NSUN4: variants seen among roughly 807,000 people sequenced by gnomAD.
NSUN4 encodes the protein NOP2/Sun RNA methyltransferase 4, also known as 5-cytosine rRNA methyltransferase NSUN4.
NSUN4 carries 31 observed loss-of-function variants against 43.8 expected under a neutral mutation model. That is an observed-to-expected ratio of 0.71 (90% CI 0.53 to 0.96). The LOEUF is 0.96. Ranked by LOEUF, NSUN4 falls within the 40% of genes least tolerant of loss-of-function variation. NSUN4 has a pLI of 0.00. For missense variants in NSUN4, 439 were observed against 475.6 expected (o/e 0.92, Z 0.72); for synonymous variants, 167 against 184.1 (o/e 0.91, Z 0.75).
intron 1 of NSUN4, chr1:46,341,983 T>G (rs1662144869): frequency 8.1e-7 from 1 of 1,229,606 alleles, no homozygotes; most frequent in African/African-American, 1.6e-5. Context: ...ACGAGCCCAG[T>G]GACCTCCCCT....
the NSUN4 span, among the ~76,000 whole-genome samples, chr1:46,373,195 G>A: frequency 6.6e-6 from 1 of 152,052 alleles, no homozygotes; most frequent in Non-Finnish European, 1.5e-5. Flanking sequence ...TTTGTCTTCT[G>A]ATCCTTCACC....
intron 3 of NSUN4, among the ~76,000 whole-genome samples, chr1:46,349,300 C>T (rs1018523333): frequency 1.3e-5 from 2 of 151,934 alleles, no homozygotes; most frequent in African/African-American, 4.8e-5. Flanking sequence ...CCACCATGCC[C>T]GGCTAATTTT....
chr1:46,341,646 C>T, intron 1 of NSUN4: 1 of 1,217,748 alleles, frequency 8.2e-7, no homozygotes, highest in Non-Finnish European at 1.0e-6. Flanking sequence ...ACCATCTCTT[C>T]CACCCCCACA....
At chr1:46,360,249 A>AAAAAT (rs1553177947) in intron 4 of NSUN4, among the ~76,000 whole-genome samples, 2 of 25,738 alleles carry the variant, frequency 7.8e-5, no homozygotes, top group Admixed American at 5.9e-4. Flanking sequence ...AAAAAAAAAA[A>AAAAAT]ATATATATAT....
the NSUN4 span, among the ~76,000 whole-genome samples, chr1:46,375,943 C>G: frequency 6.6e-6 from 1 of 150,888 alleles, no homozygotes; most frequent in Non-Finnish European, 1.5e-5. Context: ...CCTGTCTCTA[C>G]TAAAAATACA....
Position 46,345,032 on chromosome 1 carries a change from C to A in NSUN4, c.325C>A (p.Gln109Lys). Residue 109 changes from glutamine (Q) to lysine (K), a missense_variant, in exon 2 of 6, where the codon CAG becomes AAG. Transcript: ENST00000474844. ...TGAAGCCATCTCCCACTGGGAACTG[C>A]AGTCTGAGGGTGGCCAATCTGCAGC... The part of the protein sequence containing the change: ...VNEAISHWEL[Q>K]SEGGQSAAPS... 1 of 1,614,144 alleles carries A rather than the reference C, an allele frequency of 6.2e-7. No individual in the cohort carries two copies. Among genetic ancestry groups the A allele is most frequent in the Non-Finnish European group, 8.5e-7 (1 of 1,179,990 alleles).
At chr1:46,360,024 T>G (rs548692330) in intron 4 of NSUN4, among the ~76,000 whole-genome samples, 1 of 150,216 alleles carries the variant, frequency 6.7e-6, no homozygotes, top group South Asian at 2.1e-4. Flanking sequence ...GGTCAGGAGA[T>G]CGAGACCATC....
chr1:46,370,494 C>T, the NSUN4 span: 2 of 151,036 alleles, frequency 1.3e-5, no homozygotes, highest in African/African-American at 4.9e-5. Context: ...TGCAGGTAGG[C>T]ATAGCCACGT....
At chr1:46,347,182 A>C in intron 3 of NSUN4, 107 bp downstream of exon 3, 1 of 1,184,932 alleles carries the variant, frequency 8.4e-7, no homozygotes, top group Middle Eastern at 2.8e-4. Context: ...TCCCGCCTGT[A>C]ATCCCAGCAC....
At chr1:46,351,491 C>T (rs1662977497) in intron 3 of NSUN4, among the ~76,000 whole-genome samples, 3 of 151,822 alleles carry the variant, frequency 2.0e-5, no homozygotes. Flanking sequence ...TGAAGAGAGC[C>T]ATAGGTTTCC....
chr1:46,366,313 A>G (rs1463140142), downstream of NSUN4, among the ~76,000 whole-genome samples: 1 of 152,174 alleles, frequency 6.6e-6, no homozygotes, highest in Non-Finnish European at 1.5e-5. Context: ...GGTTCTCACT[A>G]TGGAATTCAG....
chr1:46,360,439 T>TAA (rs374601812), intron 4 of NSUN4, among the ~76,000 whole-genome samples: 7 of 140,166 alleles, frequency 5.0e-5, no homozygotes, highest in Non-Finnish European at 9.3e-5. Flanking sequence ...CTCTAAAAAT[T>TAA]AAAAAAAAAA....
chr1:46,342,024 C>A (rs1349932690), intron 1 of NSUN4: 4 of 1,151,454 alleles, frequency 3.5e-6, no homozygotes, highest in Non-Finnish European at 4.4e-6. Flanking sequence ...GGAAACTGGA[C>A]CCATGATTTC....
At position 46,344,743 on chromosome 1, in the gene NSUN4, G is replaced by C. The variant is rs1380380937; in HGVS notation, c.94-58G>C. The C allele has an allele frequency of 2.3e-5, 34 of 1,472,428 alleles. 1 individual carries two copies. The highest frequency in any genetic ancestry group is 3.1e-5 in the Non-Finnish European group (33 of 1,067,418). 91.2% of individuals were successfully genotyped at this position (1,472,428 alleles called of 1,614,324 possible). A position where few individuals can be genotyped will look rare whatever the true frequency, so the allele number is the denominator to read the frequency against. On this transcript the variant is annotated intron_variant, in intron 1 of 5. Coordinates refer to ENST00000474844, the MANE Select transcript of NSUN4 (RefSeq NM_199044.4). ...CCCTAGGCTCTGAGGTGGGGGTCAG[G>C]TAGTAGGGGGTAGAGTCAAGACTGG... is the stretch of plus-strand genomic sequence containing the variant.
chr1:46,371,877 G>C, the NSUN4 span, among the ~76,000 whole-genome samples: 53 of 152,252 alleles, frequency 3.5e-4, no homozygotes, highest in Middle Eastern at 0.01. Flanking sequence ...TGAACTCAGA[G>C]AGCAAGGGTA....
At chr1:46,375,391 C>T in the NSUN4 span, among the ~76,000 whole-genome samples, 1 of 150,534 alleles carries the variant, frequency 6.6e-6, no homozygotes, top group Non-Finnish European at 1.5e-5. Flanking sequence ...ACCAAGATCA[C>T]GCCATTGCAC....
chr1:46,361,789 A>C lies in NSUN4; in HGVS notation c.1098A>C (p.Pro366=), dbSNP rs1325710945. The C allele has an allele frequency of 6.2e-7, 1 of 1,614,080 alleles. No homozygotes were observed. The highest frequency in any genetic ancestry group is 8.5e-7 in the Non-Finnish European group (1 of 1,180,034). The part of the protein sequence containing the change: ...SSCQVGELVI[P]NLMANFGPMY... ...GTCAGGTTGGGGAGCTGGTAATACCAAACCTCATGGCCAATTTTGGCCCCA... is the reference window on the plus strand; with the variant it reads ...GTCAGGTTGGGGAGCTGGTAATACCCAACCTCATGGCCAATTTTGGCCCCA... Residue 366 remains proline, a synonymous_variant, in exon 6 of 6, where the codon CCA becomes CCC. Transcript: ENST00000474844.
downstream of NSUN4, among the ~76,000 whole-genome samples, chr1:46,367,763 C>CTT (rs35109012): frequency 9.6e-5 from 12 of 124,610 alleles, no homozygotes; most frequent in Non-Finnish European, 1.5e-4. Context: ...TCTGAAATTT[C>CTT]TTTTTTTTTT....
chr1:46,343,736 C>A, intron 1 of NSUN4: 1 of 400,724 alleles, frequency 2.5e-6, no homozygotes. Flanking sequence ...CCCAACTTAG[C>A]ATAAATGAGC....
Sources: gnomAD v4.1 joint callset for allele counts (sites outside exome capture counted in the v4.1 genomes callset) on GRCh38, gnomAD v4.1.1 for gene constraint, MANE v1.5 for transcripts, NCBI Gene and HGNC (gene_info 2026-07-23, HGNC 2026-07-21) for gene names.